Variants in CFAP157 observed in about 807,000 individuals in gnomAD.
CFAP157 encodes cilia and flagella associated protein 157.
A neutral mutation model predicts 57.8 loss-of-function variants in CFAP157; 43 were observed. The ratio of observed to expected loss-of-function variants is 0.74; its 90% CI spans 0.58 to 0.96. The LOEUF (loss-of-function observed/expected upper bound fraction) is 0.96. Among genes scored for constraint, CFAP157 ranks in the 40% least tolerant of loss-of-function variants. The pLI is 0.00. For synonymous variants in CFAP157, 267 were observed against 269.0 expected, an observed-to-expected ratio of 0.99 and a Z score of 0.07; for missense variants, 606 against 655.3, an observed-to-expected ratio of 0.92 and a Z score of 0.82.
Position 127,711,298 on chromosome 9 carries a change from G to A in CFAP157, c.657G>A (p.Arg219=), listed in dbSNP as rs775870656. The A allele has an allele frequency of 6.2e-7, 1 of 1,614,070 alleles. No homozygotes were observed. Among genetic ancestry groups the A allele is most frequent in the Non-Finnish European group, 8.5e-7 (1 of 1,180,042 alleles). ...ANEFHKVTTN[R]MWETTKRAIK... is the part of the protein sequence containing the mutation. ...AGTTCCACAAGGTGACCACGAACCGGATGTGGGAGACAACCAAGCGGGCCA... is the reference window on the plus strand; with the variant it reads ...AGTTCCACAAGGTGACCACGAACCGAATGTGGGAGACAACCAAGCGGGCCA... Residue 219 remains arginine, a synonymous_variant, in exon 4 of 9, where the codon CGG becomes CGA. Transcript: ENST00000373295.
chr9:127,709,204 C>CAT lies in CFAP157; in HGVS notation c.162-218_162-217insAT, dbSNP rs1842708913. On this transcript the variant is annotated intron_variant, in intron 1 of 8. Coordinates refer to ENST00000373295, the MANE Select transcript of CFAP157 (RefSeq NM_001012502.3). The surrounding 1 kb of genome is among the most constrained non-coding windows in gnomAD (Gnocchi z 4.7). ...GCCCTGCCCTCATGGAGTTTACATT[C>CAT]TAGTGATGTAATGAAAATAACATGC... Among the ~76,000 whole-genome samples, 1 of 152,210 alleles carries CAT rather than the reference C, an allele frequency of 6.6e-6. No individual in the cohort carries two copies. Among genetic ancestry groups the CAT allele is most frequent in the Non-Finnish European group, 1.5e-5 (1 of 68,046 alleles).
In CFAP157 at chr9:127,715,157, C is replaced by T; in HGVS notation, c.*1252C>T. On this transcript the variant is annotated 3_prime_UTR_variant, in exon 9 of 9. Coordinates refer to ENST00000373295, the MANE Select transcript of CFAP157 (RefSeq NM_001012502.3). This position sits in a 1 kb window ranked among gnomAD's most constrained non-coding sequence, Gnocchi z 5.8. ...CAGCACCGCCATGCCCACGCTGTGT[C>T]GCGTGCCGGGCAGTCCGGGATTCCC... 1 of 1,534,542 alleles carries T rather than the reference C, an allele frequency of 6.5e-7. No homozygotes were observed. The highest frequency in any genetic ancestry group is 8.7e-7 in the Non-Finnish European group (1 of 1,146,102).
intron 1 of CFAP157, among the ~76,000 whole-genome samples, chr9:127,708,663 T>C (rs758837652): frequency 1.3e-5 from 2 of 152,166 alleles, no homozygotes; most frequent in African/African-American, 4.8e-5. Context: ...ACAGAGTTAT[T>C]GGGTGCTTAC....
intron 3 of CFAP157, 105 bp from the exon 4 acceptor site, chr9:127,711,124 G>C: frequency 7.2e-7 from 1 of 1,392,830 alleles, no homozygotes; most frequent in South Asian, 1.4e-5. Flanking sequence ...GAGAGAGCAT[G>C]CTGGTGTTTA....
Position 127,711,848 on chromosome 9 carries a change from A to G in CFAP157, c.884A>G (p.Gln295Arg). The change falls in exon 5 of 9, where the codon CAG becomes CGG. Residue 295 changes from glutamine (Q) to arginine (R), a missense_variant. Physicochemically the swap from Gln to Arg is conservative, Grantham distance 43. Coordinates refer to ENST00000373295, the MANE Select transcript of CFAP157 (RefSeq NM_001012502.3). ...KIILMLTKKC[Q>R]EQQQDTKEAE... Reference sequence around the variant, plus strand: ...ATCCTCATGCTGACTAAGAAGTGCCAGGAGCAGCAGCAGGACACCAAGGAG... The same window carrying G: ...ATCCTCATGCTGACTAAGAAGTGCCGGGAGCAGCAGCAGGACACCAAGGAG... The G allele has an allele frequency of 1.3e-6, 2 of 1,576,234 alleles. No individual in the cohort carries two copies. The highest frequency in any genetic ancestry group is 1.7e-6 in the Non-Finnish European group (2 of 1,161,424).
At chr9:127,707,255 C>A in intron 1 of CFAP157, 63 bp downstream of exon 1, 1 of 1,571,840 alleles carries the variant, frequency 6.4e-7, no homozygotes, top group East Asian at 2.2e-5. Context: ...CAGGTGGCCC[C>A]CATGCAGGTT....
Position 127,711,958 on chromosome 9 carries a change from T to C in CFAP157, c.986+8T>C, listed in dbSNP as rs2131591029. On this transcript the variant is annotated splice_region_variant and intron_variant, in intron 5 of 8. Coordinates refer to ENST00000373295, the MANE Select transcript of CFAP157 (RefSeq NM_001012502.3). ...GGATAACCAGGCACTGAAGTGCGTA[T>C]GGCCCACGGAGGGGCGGGCGGCGGG... is the stretch of plus-strand genomic sequence containing the variant. 6.2e-7 allele frequency: 1 copy of C among 1,604,252 alleles called. No homozygotes were observed. The highest frequency in any genetic ancestry group is 8.5e-7 in the Non-Finnish European group (1 of 1,177,120).
chr9:127,715,253 GCGTCC>G lies in CFAP157; in HGVS notation c.*1352_*1356del. 6.7e-7 allele frequency: 1 copy of G among 1,491,000 alleles called. No individual in the cohort carries two copies. The highest frequency in any genetic ancestry group is 9.0e-7 in the Non-Finnish European group (1 of 1,106,318). The allele number at this position is 1,491,000 out of a possible 1,614,324, so 92.4% of individuals were successfully genotyped here. A position where few individuals can be genotyped will look rare whatever the true frequency, so the allele number is the denominator to read the frequency against. On this transcript the variant is annotated 3_prime_UTR_variant, in exon 9 of 9. Transcript: ENST00000373295. This position sits in a 1 kb window ranked among gnomAD's most constrained non-coding sequence, Gnocchi z 5.8. The stretch of plus-strand genomic sequence containing the variant: ...AACTCTCGCCACCCCCGATCTCACA[GCGTCC>G]CGTGGGCCCCAACGCAGAGGAGCGG...
Position 127,709,664 on chromosome 9 carries a change from A to T in CFAP157, c.404A>T (p.Asp135Val), listed in dbSNP as rs780489169. 2 of 1,613,642 alleles carry T rather than the reference A, an allele frequency of 1.2e-6. No homozygotes were observed. Among genetic ancestry groups the T allele is most frequent in the Non-Finnish European group, 1.7e-6 (2 of 1,179,996 alleles). ...CGCCACGAGTTCCAGGAGACCAAGG[A>T]CCAGCTCACCACGGAGAACATCATC... ...QVRHEFQETKDQLTTENIILG... is the reference protein window; with the variant it reads ...QVRHEFQETKVQLTTENIILG... Residue 135 changes from aspartate (D) to valine (V), a missense_variant, in exon 2 of 9, where the codon GAC becomes GTC. Transcript: ENST00000373295. This position sits in a 1 kb window ranked among gnomAD's most constrained non-coding sequence, Gnocchi z 4.7.
intron 5 of CFAP157, 94 bp downstream of exon 5, chr9:127,712,044 T>G: frequency 6.6e-6 from 10 of 1,514,096 alleles, no homozygotes; most frequent in Non-Finnish European, 8.9e-6. Flanking sequence ...GGCCAGTGAC[T>G]TCCCCTCTCT....
rs530546786 is a variant in CFAP157, at chr9:127,715,427, G to C, written c.*1522G>C. On this transcript the variant is annotated 3_prime_UTR_variant, in exon 9 of 9. Transcript: ENST00000373295. The surrounding 1 kb of genome is among the most constrained non-coding windows in gnomAD (Gnocchi z 5.8). ...AGAAGTTTGGAGCCCGTCGAGCACTGAACTCACCAGTTAAGAAAACAGAGC... is the reference window on the plus strand; with the variant it reads ...AGAAGTTTGGAGCCCGTCGAGCACTCAACTCACCAGTTAAGAAAACAGAGC... 7 of 1,445,130 alleles carry C rather than the reference G, an allele frequency of 4.8e-6. No homozygotes were observed. The African/African-American group carries it at 5.6e-5, about 12-fold the overall frequency. The allele number at this position is 1,445,130 out of a possible 1,614,324, so 89.5% of individuals were successfully genotyped here.
At position 127,714,831 on chromosome 9, in the gene CFAP157, C is replaced by T. The variant is rs923246752; in HGVS notation, c.*926C>T. 29 of 1,058,134 alleles carry T rather than the reference C, an allele frequency of 2.7e-5. No individual in the cohort carries two copies. Among genetic ancestry groups the T allele is most frequent in the Non-Finnish European group, 3.7e-5 (27 of 721,532 alleles). The allele number at this position is 1,058,134 out of a possible 1,614,324, so 65.5% of individuals were successfully genotyped here. On this transcript the variant is annotated 3_prime_UTR_variant, in exon 9 of 9. Transcript: ENST00000373295. The stretch of plus-strand genomic sequence containing the variant: ...AAAGAAACTGAGGCCCCCCGAAGTA[C>T]CCAAAGCCATGCAGCAACTGGAGCT...
Position 127,714,048 on chromosome 9 carries a change from G to A in CFAP157, c.*143G>A. 1 of 1,597,176 alleles carries A rather than the reference G, an allele frequency of 6.3e-7. No homozygotes were observed. Among genetic ancestry groups the A allele is most frequent in the Non-Finnish European group, 8.6e-7 (1 of 1,168,466 alleles). The stretch of plus-strand genomic sequence containing the variant: ...AGGCTGGCGTGGCAGCTCTGTGGCA[G>A]TGGCTGGGTTGGTGGGCACTACAGT... On this transcript the variant is annotated 3_prime_UTR_variant, in exon 9 of 9. Transcript: ENST00000373295.
rs200919866 is a variant in CFAP157, at chr9:127,712,255, G to T, written c.1043G>T (p.Arg348Leu). ...GAGCAGCAGCAGGTGGATTTGCAGC[G>T]GCTACAGCAGGAACTGGCTAATGAG... ...QLEQQQVDLQ[R>L]LQQELANEQK... Residue 348 changes from arginine to leucine, a missense_variant, in exon 6 of 9, where the codon CGG (arginine) becomes CTG (leucine). Coordinates refer to ENST00000373295, the MANE Select transcript of CFAP157 (RefSeq NM_001012502.3). The T allele has an allele frequency of 2.9e-5, 46 of 1,613,850 alleles. No individual in the cohort carries two copies. The highest frequency in any genetic ancestry group is 1.6e-4 in the Middle Eastern group (1 of 6,084).
rs762515935 is a variant in CFAP157 at position 127,714,282 on chromosome 9, C to T, written c.*377C>T. On this transcript the variant is annotated 3_prime_UTR_variant, in exon 9 of 9. Transcript: ENST00000373295. The stretch of plus-strand genomic sequence containing the variant: ...ATACCCACCCGCAGCCTTGGCATTG[C>T]CTGTGGGAGAGCCAGAGAGGCCCAG... 3 of 1,614,014 alleles carry T rather than the reference C, an allele frequency of 1.9e-6. No homozygotes were observed. Among genetic ancestry groups the T allele is most frequent in the Non-Finnish European group, 2.5e-6 (3 of 1,179,932 alleles).
In CFAP157 at chr9:127,715,811, G is replaced by C; in HGVS notation, c.*1906G>C. ...GGCGGTGGCCGAGTCCGGGAACCCA[G>C]GCGCCTTCAGTAGCGCGGCGTCACA... On this transcript the variant is annotated 3_prime_UTR_variant, in exon 9 of 9. Coordinates refer to ENST00000373295, the MANE Select transcript of CFAP157 (RefSeq NM_001012502.3). The surrounding 1 kb of genome is among the most constrained non-coding windows in gnomAD (Gnocchi z 5.8). 2.3e-6 allele frequency: 3 copies of C among 1,314,040 alleles called. No homozygotes were observed. The highest frequency in any genetic ancestry group is 3.1e-6 in the Non-Finnish European group (3 of 966,386). The allele number at this position is 1,314,040 out of a possible 1,614,324, so 81.4% of individuals were successfully genotyped here.
Position 127,714,761 on chromosome 9 carries a change from C to A in CFAP157, c.*856C>A. On this transcript the variant is annotated 3_prime_UTR_variant, in exon 9 of 9. Coordinates refer to ENST00000373295, the MANE Select transcript of CFAP157 (RefSeq NM_001012502.3). ...CCCATCTGCCCAGAGAGGCACTGTC[C>A]CGACTCCCATGATGAGGGACCACAA... 7.0e-7 allele frequency: 1 copy of A among 1,419,264 alleles called. No homozygotes were observed. Among genetic ancestry groups the A allele is most frequent in the Non-Finnish European group, 9.8e-7 (1 of 1,021,252 alleles). 87.9% of individuals were successfully genotyped at this position (1,419,264 alleles called of 1,614,324 possible).
In CFAP157 at chr9:127,715,132, C is replaced by CA; in HGVS notation, c.*1228dup. 1 of 1,537,048 alleles carries CA rather than the reference C, an allele frequency of 6.5e-7. No homozygotes were observed. The highest frequency in any genetic ancestry group is 8.7e-7 in the Non-Finnish European group (1 of 1,147,310). ...CACCCAGCCGCCGCGCCAGCTGCCC[C>CA]AGCACCGCCATGCCCACGCTGTGTC... On this transcript the variant is annotated 3_prime_UTR_variant, in exon 9 of 9. Coordinates refer to ENST00000373295, the MANE Select transcript of CFAP157 (RefSeq NM_001012502.3). This position sits in a 1 kb window ranked among gnomAD's most constrained non-coding sequence, Gnocchi z 5.8.
Position 127,711,852 on chromosome 9 carries a change from G to A in CFAP157, c.888G>A (p.Glu296=), listed in dbSNP as rs1382369714. The A allele has an allele frequency of 2.5e-6, 4 of 1,577,668 alleles. No homozygotes were observed. The highest frequency in any genetic ancestry group is 3.4e-6 in the Non-Finnish European group (4 of 1,162,366). ...IILMLTKKCQ[E]QQQDTKEAEE... is the part of the protein sequence containing the mutation. ...TCATGCTGACTAAGAAGTGCCAGGA[G>A]CAGCAGCAGGACACCAAGGAGGCCG... The change falls in exon 5 of 9, where the codon GAG becomes GAA. Residue 296 remains glutamate, a synonymous_variant. Transcript: ENST00000373295.
Sources: allele counts gnomAD v4.1 joint callset (sites outside exome capture counted in the v4.1 genomes callset), GRCh38; gene constraint gnomAD v4.1.1; non-coding constraint Gnocchi (gnomAD v3.1); transcripts MANE v1.5; gene names NCBI Gene and HGNC (gene_info 2026-07-23, HGNC 2026-07-21).